Variants in TENM2 observed in about 807,000 individuals in gnomAD.
The protein encoded by TENM2 is teneurin-2.
A neutral mutation model predicts 245.2 loss-of-function variants in TENM2; 52 were observed. The ratio of observed to expected loss-of-function variants is 0.21; its 90% CI spans 0.17 to 0.27. TENM2 has a LOEUF of 0.27. Ranked by LOEUF, TENM2 falls within the 10% of genes least tolerant of loss-of-function variation. The pLI, the probability that TENM2 is intolerant of heterozygous loss-of-function variation, is 1.00. For missense variants in TENM2, 3,046 were observed against 3,666.8 expected (o/e 0.83, Z 4.37); for synonymous variants, 1,363 against 1,438.9 (o/e 0.95, Z 1.19).
rs775272632 is a variant in TENM2 at position 168,247,337 on chromosome 5, G to A, written c.6398G>A (p.Gly2133Glu). 2.5e-6 allele frequency: 4 copies of A among 1,613,782 alleles called. No homozygotes were observed. Among genetic ancestry groups the A allele is most frequent in the Non-Finnish European group, 3.4e-6 (4 of 1,179,892 alleles). Reference sequence around the variant, plus strand: ...AAGGTGGAACACTTTGGTAAGTTTGGAGTCATCTATTATGACATCAACCAG... The same window carrying A: ...AAGGTGGAACACTTTGGTAAGTTTGAAGTCATCTATTATGACATCAACCAG... The change falls in exon 27 of 29, where the codon GGA (glycine) becomes GAA (glutamate). Residue 2133 changes from glycine to glutamate, a missense_variant. Transcript: ENST00000518659. The surrounding 1 kb of genome is among the most constrained non-coding windows in gnomAD (Gnocchi z 7.8).
chr5:167,656,184 C>G (rs530460245), intron 2 of TENM2, among the ~76,000 whole-genome samples: 2 of 152,074 alleles, frequency 1.3e-5, no homozygotes, highest in Admixed American at 6.6e-5. Flanking sequence ...CCAGAATTTG[C>G]ACACTCCATA....
intron 1 of TENM2, among the ~76,000 whole-genome samples, chr5:167,325,293 C>A (rs535559964): frequency 6.6e-6 from 1 of 152,096 alleles, no homozygotes; most frequent in Non-Finnish European, 1.5e-5. Flanking sequence ...AATTTATACT[C>A]ATCTATTTAA....
intron 2 of TENM2, among the ~76,000 whole-genome samples, chr5:167,404,037 A>G (rs1472700286): frequency 1.3e-5 from 2 of 152,046 alleles, no homozygotes; most frequent in Non-Finnish European, 2.9e-5. Flanking sequence ...CCCTCTATTT[A>G]AAATAATGGT....
At chr5:167,383,933 T>G (rs1253171906) in intron 2 of TENM2, among the ~76,000 whole-genome samples, 1 of 152,120 alleles carries the variant, frequency 6.6e-6, no homozygotes, top group Admixed American at 6.6e-5. Context: ...TCCAAAAGGC[T>G]TATGCTGATT....
chr5:167,563,903 G>C lies in TENM2; in HGVS notation c.502+188430G>C, dbSNP rs74796674. On this transcript the variant is annotated intron_variant, in intron 2 of 28. Transcript: ENST00000518659. The stretch of plus-strand genomic sequence containing the variant: ...GGTGTGAAGTAGGGTTTACCATCTA[G>C]GTTTGTGTAAGTGCACTCTATGATG... 8.6e-3 allele frequency among the ~76,000 whole-genome samples: 1,309 copies of C among 152,260 alleles called. 17 individuals carry two copies. Among genetic ancestry groups the C allele is most frequent in the African/African-American group, 0.03 (1,244 of 41,554 alleles).
intron 2 of TENM2, among the ~76,000 whole-genome samples, chr5:167,793,933 A>G (rs1765150398): frequency 6.6e-6 from 1 of 151,812 alleles, no homozygotes; most frequent in African/African-American, 2.4e-5. Flanking sequence ...ATTAGTCTTC[A>G]CTTTCACTTC....
At chr5:167,601,658 C>G (rs965370411) in intron 2 of TENM2, among the ~76,000 whole-genome samples, 1 of 152,154 alleles carries the variant, frequency 6.6e-6, no homozygotes, top group Non-Finnish European at 1.5e-5. Flanking sequence ...TAATTTATGT[C>G]TGGAATACTG....
the TENM2 span, among the ~76,000 whole-genome samples, chr5:167,002,370 C>G: frequency 1.3e-5 from 2 of 152,112 alleles, no homozygotes; most frequent in Admixed American, 6.6e-5. Flanking sequence ...GTGTCTAGAT[C>G]GTGCCATTGT....
the TENM2 span, among the ~76,000 whole-genome samples, chr5:167,241,937 A>T: frequency 1.3e-5 from 2 of 152,008 alleles, no homozygotes; most frequent in South Asian, 4.1e-4. Flanking sequence ...TTGAGATGAG[A>T]CTAAAATTCT....
At chr5:167,688,748 G>C (rs985761086) in intron 2 of TENM2, among the ~76,000 whole-genome samples, 1 of 152,186 alleles carries the variant, frequency 6.6e-6, no homozygotes, top group Non-Finnish European at 1.5e-5. Flanking sequence ...GATGGGACTA[G>C]GTGGTAATTT....
chr5:167,537,243 T>C (rs1771910961), intron 2 of TENM2, among the ~76,000 whole-genome samples: 1 of 104,648 alleles, frequency 9.6e-6, no homozygotes, highest in African/African-American at 3.4e-5. Context: ...GAGACCCCCA[T>C]CTCTACCAAA....
rs543292688 is a variant in TENM2, at chr5:167,504,286, G to T, written c.502+128813G>T. Among the ~76,000 whole-genome samples, 6 of 152,204 alleles carry T rather than the reference G, an allele frequency of 3.9e-5. No homozygotes were observed. In the South Asian group the frequency reaches 8.3e-4, roughly 21 times the overall value. ...TGCATGAAGATATTTATTACTTATT[G>T]ATATTTAAAGGTTGTTAAATTAATC... is the stretch of plus-strand genomic sequence containing the variant. On this transcript the variant is annotated intron_variant, in intron 2 of 28. Transcript: ENST00000518659.
chr5:167,020,261 G>A, the TENM2 span, among the ~76,000 whole-genome samples: 1 of 152,160 alleles, frequency 6.6e-6, no homozygotes, highest in Non-Finnish European at 1.5e-5. Context: ...GGACCTAGAT[G>A]TCAACATTCC....
intron 2 of TENM2, among the ~76,000 whole-genome samples, chr5:167,475,650 C>T (rs981998774): frequency 2.6e-5 from 4 of 152,050 alleles, no homozygotes; most frequent in Non-Finnish European, 5.9e-5. Context: ...CCCCTTGCCC[C>T]ACCCTGCCCC....
intron 4 of TENM2, among the ~76,000 whole-genome samples, chr5:167,989,073 C>T (rs932052551): frequency 1.3e-5 from 2 of 152,118 alleles, no homozygotes; most frequent in African/African-American, 4.8e-5. Context: ...ACTAATGTTT[C>T]GACTCTGGAG....
chr5:167,391,597 A>C (rs12654913), intron 2 of TENM2, among the ~76,000 whole-genome samples: 84,444 of 142,782 alleles, frequency 0.59, 26,068 homozygotes, highest in African/African-American at 0.79. Flanking sequence ...TGCACTCCAG[A>C]CTGGGAAACA....
chr5:168,105,088 G>A (rs1271084017), intron 9 of TENM2, among the ~76,000 whole-genome samples: 1 of 152,150 alleles, frequency 6.6e-6, no homozygotes, highest in Admixed American at 6.5e-5. Context: ...AGAAAATAAG[G>A]AAGTTTATAA....
intron 2 of TENM2, among the ~76,000 whole-genome samples, chr5:167,622,493 T>G (rs571530894): frequency 3.9e-5 from 6 of 152,216 alleles, no homozygotes; most frequent in Non-Finnish European, 7.4e-5. Context: ...CTGATTCAAA[T>G]TTTAGAAAGA....
chr5:167,418,112 C>A (rs1034554889), intron 2 of TENM2, among the ~76,000 whole-genome samples: 2 of 152,024 alleles, frequency 1.3e-5, no homozygotes, highest in Admixed American at 1.3e-4. Flanking sequence ...GGTGGATCAC[C>A]TGAGGTCAGG....
Sources: allele counts gnomAD v4.1 joint callset (sites outside exome capture counted in the v4.1 genomes callset), GRCh38; gene constraint gnomAD v4.1.1; non-coding constraint Gnocchi (gnomAD v3.1); transcripts MANE v1.5; gene names NCBI Gene and HGNC (gene_info 2026-07-23, HGNC 2026-07-21).